Variants in PCDH9 observed in about 807,000 individuals in gnomAD.
PCDH9 encodes the protein protocadherin-9.
A neutral mutation model predicts 70.6 loss-of-function variants in PCDH9; 24 were observed. The observed-to-expected ratio is 0.34, with a 90% CI of 0.25 to 0.48. PCDH9 has a LOEUF of 0.48. Ranked by LOEUF, PCDH9 falls within the 20% of genes least tolerant of loss-of-function variation. PCDH9 has a pLI of 0.99. For missense variants in PCDH9, 1,281 were observed against 1,503.6 expected, an observed-to-expected ratio of 0.85 and a Z score of 2.45; for synonymous variants, 562 against 558.5, an observed-to-expected ratio of 1.01 and a Z score of -0.09.
chr13:67,025,081 T>C (rs1196645559), intron 2 of PCDH9, among the ~76,000 whole-genome samples: 1 of 152,174 alleles, frequency 6.6e-6, no homozygotes, highest in Non-Finnish European at 1.5e-5. Context: ...TATTTATAAA[T>C]TGGGAGCTAC....
chr13:66,672,988 T>A (rs1439498737), intron 3 of PCDH9, among the ~76,000 whole-genome samples: 3 of 152,152 alleles, frequency 2.0e-5, no homozygotes, highest in African/African-American at 7.2e-5. Flanking sequence ...TGTGGACTTT[T>A]GAGTTAATGC....
intron 3 of PCDH9, among the ~76,000 whole-genome samples, chr13:66,691,141 G>T (rs903871962): frequency 6.6e-6 from 1 of 151,948 alleles, no homozygotes; most frequent in African/African-American, 2.4e-5. Context: ...AGGTTCAAGC[G>T]ATCCTCCCAC....
chr13:66,428,003 A>G (rs1957703748), intron 4 of PCDH9, among the ~76,000 whole-genome samples: 1 of 151,816 alleles, frequency 6.6e-6, no homozygotes, highest in Non-Finnish European at 1.5e-5. Flanking sequence ...CTAAGTTTGC[A>G]AATGAAAACT....
intron 3 of PCDH9, among the ~76,000 whole-genome samples, chr13:66,648,962 CAGA>C (rs910520219): frequency 1.3e-5 from 2 of 151,762 alleles, no homozygotes; most frequent in African/African-American, 4.8e-5. Context: ...GAAGATCAAG[CAGA>C]AGAATTAGTG....
intron 3 of PCDH9, among the ~76,000 whole-genome samples, chr13:66,696,671 A>C (rs1364295684): frequency 7.2e-5 from 11 of 152,052 alleles, no homozygotes; most frequent in Non-Finnish European, 4.4e-5. Context: ...TACTTTGTGC[A>C]CTCAAATGTT....
At chr13:66,932,681 T>TATATATACACAC (rs1313632174) in intron 2 of PCDH9, among the ~76,000 whole-genome samples, 5 of 114,822 alleles carry the variant, frequency 4.4e-5, no homozygotes, top group African/African-American at 1.7e-4. Flanking sequence ...TATATATATA[T>TATATATACACAC]ACACACACAC....
intron 4 of PCDH9, among the ~76,000 whole-genome samples, chr13:66,375,090 A>G (rs962726626): frequency 6.6e-6 from 1 of 152,152 alleles, no homozygotes; most frequent in Non-Finnish European, 1.5e-5. Flanking sequence ...AATATCGAAT[A>G]TGCTACTAAA....
rs910674512 is a variant in PCDH9 at position 67,124,846 on chromosome 13, T to C, written c.3036+100559A>G. Among the ~76,000 whole-genome samples, 9 of 152,154 alleles carry C rather than the reference T, an allele frequency of 5.9e-5. 1 individual carries two copies. In the South Asian group the frequency reaches 1.9e-3, roughly 32 times the overall value. On this transcript the variant is annotated intron_variant, in intron 2 of 4. Transcript: ENST00000377865. ...AACAGAAGGAGATTTTGGATTCTCT[T>C]TGATTTTACATCTCCCCCTAACACT...
chr13:67,072,543 G>A (rs1161213521), intron 2 of PCDH9, among the ~76,000 whole-genome samples: 2 of 152,156 alleles, frequency 1.3e-5, no homozygotes, highest in East Asian at 3.9e-4. Context: ...CTTTTCTCTT[G>A]TTAATCTTCC....
intron 4 of PCDH9, among the ~76,000 whole-genome samples, chr13:66,598,170 T>C (rs538489447): frequency 1.3e-5 from 2 of 151,930 alleles, no homozygotes; most frequent in South Asian, 4.1e-4. Context: ...CAGAAAATGG[T>C]ATGGAGTTCC....
intron 2 of PCDH9, among the ~76,000 whole-genome samples, chr13:66,938,541 G>T (rs74762762): frequency 0.013 from 2,042 of 152,194 alleles, 48 homozygotes; most frequent in African/African-American, 0.047. Context: ...AAATCAAAAA[G>T]CAATCTTTAT....
chr13:66,666,608 T>C (rs1258267844), intron 3 of PCDH9, among the ~76,000 whole-genome samples: 1 of 152,128 alleles, frequency 6.6e-6, no homozygotes, highest in East Asian at 1.9e-4. Flanking sequence ...CCTAACAAAA[T>C]AGTCCAAGAA....
chr13:67,089,743 AT>A (rs1448141328), intron 2 of PCDH9, among the ~76,000 whole-genome samples: 1 of 151,910 alleles, frequency 6.6e-6, no homozygotes, highest in Non-Finnish European at 1.5e-5. Context: ...AGAACATGAA[AT>A]TTTTCACTTA....
At chr13:66,465,276 A>G (rs142402140) in intron 4 of PCDH9, among the ~76,000 whole-genome samples, 6 of 152,008 alleles carry the variant, frequency 3.9e-5, no homozygotes, top group Non-Finnish European at 2.9e-5. Context: ...CTAGAGGACT[A>G]AAATATTTTT....
intron 4 of PCDH9, among the ~76,000 whole-genome samples, chr13:66,402,669 G>T (rs1471493423): frequency 6.6e-6 from 1 of 152,076 alleles, no homozygotes; most frequent in East Asian, 1.9e-4. Flanking sequence ...GTATAAATAT[G>T]TAATATGTTA....
chr13:67,123,228 A>G (rs1312076325), intron 2 of PCDH9, among the ~76,000 whole-genome samples: 1 of 152,186 alleles, frequency 6.6e-6, no homozygotes, highest in Non-Finnish European at 1.5e-5. Flanking sequence ...AATCAAATAA[A>G]TAAAGATTGT....
chr13:67,219,275 C>T (rs2089673120), intron 2 of PCDH9: 1 of 151,930 alleles, frequency 6.6e-6, no homozygotes, highest in South Asian at 2.1e-4. Context: ...AAATGTCAAT[C>T]ATGGTAATAA....
At chr13:67,003,890 C>T (rs1385667069) in intron 2 of PCDH9, among the ~76,000 whole-genome samples, 2 of 152,102 alleles carry the variant, frequency 1.3e-5, no homozygotes, top group East Asian at 1.9e-4. Context: ...ATATCTGTCA[C>T]GAGTTCTGTA....
At chr13:66,795,114 T>C (rs1282888531) in intron 3 of PCDH9, among the ~76,000 whole-genome samples, 1 of 152,144 alleles carries the variant, frequency 6.6e-6, no homozygotes, top group Non-Finnish European at 1.5e-5. Flanking sequence ...TTCTTTTTAG[T>C]ATAAAATGAA....
Sources: gnomAD v4.1 joint callset for allele counts (sites outside exome capture counted in the v4.1 genomes callset) on GRCh38, gnomAD v4.1.1 for gene constraint, MANE v1.5 for transcripts, NCBI Gene and HGNC (gene_info 2026-07-23, HGNC 2026-07-21) for gene names.